The following HOMER2 variants were observed in gnomAD, a reference collection of about 807,000 sequenced individuals.
The protein encoded by HOMER2 is homer scaffold protein 2, also known as homer protein homolog 2.
HOMER2 carries 27 observed loss-of-function variants against 47.0 expected under a neutral mutation model. That is an observed-to-expected ratio of 0.57 (90% confidence interval 0.42 to 0.79). HOMER2 has a LOEUF of 0.79. HOMER2 is among the 30% of genes least tolerant of loss of function. The pLI, the probability that HOMER2 is intolerant of heterozygous loss-of-function variation, is 0.00. For synonymous variants in HOMER2, 161 were observed against 163.8 expected (o/e 0.98, Z 0.13); for missense variants, 443 against 435.0 (o/e 1.02, Z -0.16).
At chr15:82,863,325 A>T (rs2051855717) in intron 4 of HOMER2, among the ~76,000 whole-genome samples, 1 of 152,174 alleles carries the variant, frequency 6.6e-6, no homozygotes, top group Non-Finnish European at 1.5e-5. Flanking sequence ...CCAAATCAAC[A>T]GTCACAACAC....
At chr15:82,984,242 C>T (rs1029834886) in intron 1 of HOMER2, among the ~76,000 whole-genome samples, 9 of 151,814 alleles carry the variant, frequency 5.9e-5, no homozygotes, top group Non-Finnish European at 1.3e-4. Context: ...CCGTGTTAGC[C>T]AGGATGGTCT....
At chr15:82,842,127 A>C (rs2051182102) in exon 2 of HOMER2, 1 of 152,176 alleles carries the variant, frequency 6.6e-6, no homozygotes, top group Non-Finnish European at 1.5e-5. Context: ...AATAGTAACC[A>C]CACTAAAAAA....
chr15:82,931,032 T>C (rs2053995863), intron 1 of HOMER2, among the ~76,000 whole-genome samples: 1 of 151,210 alleles, frequency 6.6e-6, no homozygotes, highest in Non-Finnish European at 1.5e-5. Context: ...TTGGGCTCCC[T>C]CAGTTGCCCA....
intron 1 of HOMER2, among the ~76,000 whole-genome samples, chr15:82,917,732 G>A (rs1015232571): frequency 2.6e-5 from 4 of 152,200 alleles, no homozygotes; most frequent in African/African-American, 9.7e-5. Context: ...TGGAAACAGT[G>A]TGCCTCCCAC....
At chr15:82,977,874 C>T (rs528830538) in intron 1 of HOMER2, among the ~76,000 whole-genome samples, 3 of 152,204 alleles carry the variant, frequency 2.0e-5, no homozygotes, top group East Asian at 3.9e-4. Flanking sequence ...AGGCCGGGCA[C>T]GGTGGATCAC....
chr15:82,948,131 C>T (rs1251460575), intron 1 of HOMER2, among the ~76,000 whole-genome samples: 1 of 151,998 alleles, frequency 6.6e-6, no homozygotes, highest in Non-Finnish European at 1.5e-5. Context: ...GTGGCTGATG[C>T]CTGTAATCCC....
intron 1 of HOMER2, among the ~76,000 whole-genome samples, chr15:82,985,024 T>C (rs986908376): frequency 6.6e-6 from 1 of 152,180 alleles, no homozygotes; most frequent in East Asian, 1.9e-4. Flanking sequence ...AAATTATTTC[T>C]AGGTAGAGAT....
intron 1 of HOMER2, among the ~76,000 whole-genome samples, chr15:82,949,386 A>G (rs938283481): frequency 3.9e-5 from 6 of 152,180 alleles, no homozygotes; most frequent in African/African-American, 1.4e-4. Context: ...GAAGAAAAGC[A>G]GGAAACAGTG....
At chr15:82,944,739 G>A (rs760269856) in intron 1 of HOMER2, among the ~76,000 whole-genome samples, 4 of 151,684 alleles carry the variant, frequency 2.6e-5, no homozygotes, top group East Asian at 1.9e-4. Context: ...ATTTGCCCAC[G>A]GTTTTTTTTT....
At chr15:82,867,987 G>GA (rs1266236032) in intron 3 of HOMER2, among the ~76,000 whole-genome samples, 1 of 152,028 alleles carries the variant, frequency 6.6e-6, no homozygotes, top group Non-Finnish European at 1.5e-5. Flanking sequence ...GTCCTTTGGT[G>GA]AAAAATCGCC....
intron 3 of HOMER2, among the ~76,000 whole-genome samples, chr15:82,866,445 T>G (rs939569537): frequency 6.6e-6 from 1 of 152,214 alleles, no homozygotes; most frequent in East Asian, 1.9e-4. Context: ...GAGACCGGAC[T>G]GTGGACTTTT....
chr15:82,900,272 C>G (rs973892757), intron 1 of HOMER2, among the ~76,000 whole-genome samples: 4 of 152,104 alleles, frequency 2.6e-5, no homozygotes, highest in African/African-American at 9.7e-5. Flanking sequence ...GCATTCCAGC[C>G]TGGGCAACAT....
At position 82,875,703 on chromosome 15, in the gene HOMER2, G is replaced by C. The variant is rs1033857764; in HGVS notation, c.163-299C>G. 3.4e-4 allele frequency among the ~76,000 whole-genome samples: 52 copies of C among 152,200 alleles called. 1 individual carries two copies. The highest frequency in any genetic ancestry group is 2.8e-3 in the Admixed American group (43 of 15,284). On this transcript the variant is annotated intron_variant, in intron 2 of 8. Coordinates refer to ENST00000450735, the MANE Select transcript of HOMER2 (RefSeq NM_004839.4). Reference sequence around the variant, plus strand: ...TAAACAAAGAATAGTTTCCCAAACTGCTATTTATTTCCCCAAAGCTGCCAC... The same window carrying C: ...TAAACAAAGAATAGTTTCCCAAACTCCTATTTATTTCCCCAAAGCTGCCAC...
At chr15:82,979,613 T>C (rs1596391112) in intron 1 of HOMER2, among the ~76,000 whole-genome samples, 1 of 151,842 alleles carries the variant, frequency 6.6e-6, no homozygotes, top group East Asian at 1.9e-4. Context: ...CATGAAGGAA[T>C]GAAGAGGAGT....
intron 1 of HOMER2, among the ~76,000 whole-genome samples, chr15:82,967,974 G>A (rs894526323): frequency 6.6e-6 from 1 of 151,986 alleles, no homozygotes; most frequent in Non-Finnish European, 1.5e-5. Context: ...AAATATAATA[G>A]GTATTTTATT....
chr15:82,932,108 A>C (rs1021489997), intron 1 of HOMER2, among the ~76,000 whole-genome samples: 3 of 152,014 alleles, frequency 2.0e-5, no homozygotes, highest in African/African-American at 7.2e-5. Context: ...TTCTCACCCA[A>C]CTCCATCCAT....
At chr15:82,975,627 C>A (rs1412260981) in intron 1 of HOMER2, among the ~76,000 whole-genome samples, 1 of 152,196 alleles carries the variant, frequency 6.6e-6, no homozygotes, top group Non-Finnish European at 1.5e-5. Context: ...ACAAACATTG[C>A]ATGTTCTCAC....
intron 2 of HOMER2, among the ~76,000 whole-genome samples, chr15:82,879,521 TAAAGA>T (rs991349550): frequency 6.6e-6 from 1 of 151,876 alleles, no homozygotes; most frequent in African/African-American, 2.4e-5. Context: ...AGAAAGAAAA[TAAAGA>T]AATCATAGTT....
downstream of HOMER2, chr15:82,836,139 C>T (rs1403321068): frequency 6.6e-6 from 1 of 152,286 alleles, no homozygotes; most frequent in Non-Finnish European, 1.5e-5. Context: ...CGCTTCCTTT[C>T]CTCCTCTGGA....
Sources: allele counts gnomAD v4.1 joint callset (sites outside exome capture counted in the v4.1 genomes callset), GRCh38; gene constraint gnomAD v4.1.1; transcripts MANE v1.5; gene names NCBI Gene and HGNC (gene_info 2026-07-23, HGNC 2026-07-21).